Variants in DLGAP2 observed in about 807,000 individuals in gnomAD.
DLGAP2 encodes the protein disks large-associated protein 2.
In DLGAP2, 26 loss-of-function variants were observed where a neutral mutation model predicts 100.3. That is an observed-to-expected ratio of 0.26 (90% CI 0.19 to 0.36). The LOEUF (loss-of-function observed/expected upper bound fraction) is 0.36. DLGAP2 is among the 10% of genes least tolerant of loss of function. DLGAP2 has a pLI of 1.00. For synonymous variants in DLGAP2, 886 were observed against 630.1 expected (o/e 1.41, Z -6.08); for missense variants, 1,858 against 1,453.2 (o/e 1.28, Z -4.53).
chr8:1,317,038 G>C (rs111280314), intron 3 of DLGAP2, among the ~76,000 whole-genome samples: 31 of 97,082 alleles, frequency 3.2e-4, no homozygotes, highest in Middle Eastern at 0.01. Flanking sequence ...AAAATAGAGC[G>C]TGTGCGAGTG....
intron 8 of DLGAP2, among the ~76,000 whole-genome samples, chr8:1,640,149 A>G (rs545400829): frequency 1.1e-4 from 17 of 152,336 alleles, no homozygotes; most frequent in South Asian, 4.1e-4. Context: ...CACTGACCCA[A>G]GGGGAACCCA....
intron 3 of DLGAP2, among the ~76,000 whole-genome samples, chr8:1,442,975 G>T (rs73172547): frequency 1.3e-5 from 2 of 152,334 alleles, no homozygotes; most frequent in East Asian, 3.9e-4. Flanking sequence ...ATTTGCTTAC[G>T]TACTTATGGA....
chr8:1,190,397 C>CGGGGCATCTGCTGTT (rs140079566), intron 2 of DLGAP2, among the ~76,000 whole-genome samples: 2 of 150,914 alleles, frequency 1.3e-5, no homozygotes, highest in African/African-American at 2.4e-5. Flanking sequence ...GAGTCAGGGT[C>CGGGGCATCTGCTGTT]GGGGCATCTG....
At chr8:1,164,587 C>G (rs571527645) in intron 2 of DLGAP2, among the ~76,000 whole-genome samples, 1 of 152,058 alleles carries the variant, frequency 6.6e-6, no homozygotes, top group South Asian at 2.1e-4. Flanking sequence ...TATTCTAAGC[C>G]CAGATGCCAC....
chr8:1,055,588 G>T, intron 2 of DLGAP2, among the ~76,000 whole-genome samples: 1 of 152,124 alleles, frequency 6.6e-6, no homozygotes, highest in South Asian at 2.1e-4. Context: ...AATATCTAAA[G>T]CCAAGGACGC....
At chr8:1,424,476 A>G (rs1005078532) in intron 3 of DLGAP2, among the ~76,000 whole-genome samples, 1 of 152,258 alleles carries the variant, frequency 6.6e-6, no homozygotes, top group Non-Finnish European at 1.5e-5. Context: ...GCCCAATGGA[A>G]TGTTACCCTG....
chr8:1,656,883 A>C (rs1798297548), intron 8 of DLGAP2, among the ~76,000 whole-genome samples: 1 of 152,214 alleles, frequency 6.6e-6, no homozygotes, highest in Admixed American at 6.5e-5. Context: ...TCTCAGAGTG[A>C]CACCAACTTA....
chr8:918,292 T>G (rs184784794), intron 2 of DLGAP2, among the ~76,000 whole-genome samples: 1 of 152,344 alleles, frequency 6.6e-6, no homozygotes, highest in Admixed American at 6.5e-5. Context: ...GCCTCTGTTA[T>G]TTGGTTTCAG....
At chr8:1,181,376 C>G (rs964259402) in intron 2 of DLGAP2, among the ~76,000 whole-genome samples, 1 of 152,222 alleles carries the variant, frequency 6.6e-6, no homozygotes, top group South Asian at 2.1e-4. Context: ...TTTTCTGTCC[C>G]TGTGTTAGAT....
chr8:1,622,719 A>G (rs1797377872), intron 6 of DLGAP2, among the ~76,000 whole-genome samples: 2 of 152,228 alleles, frequency 1.3e-5, no homozygotes, highest in African/African-American at 4.8e-5. Context: ...ACTTTTCACT[A>G]TTTAAAAAAA....
intron 12 of DLGAP2, 69 bp from the exon 13 acceptor site, chr8:1,691,466 T>C: frequency 1.5e-6 from 2 of 1,350,652 alleles, no homozygotes; most frequent in East Asian, 4.7e-5. Flanking sequence ...GGTGTGATGT[T>C]TCTGCTTTTG....
At chr8:1,411,906 C>G (rs189810353) in intron 3 of DLGAP2, among the ~76,000 whole-genome samples, 2 of 152,122 alleles carry the variant, frequency 1.3e-5, no homozygotes, top group Non-Finnish European at 2.9e-5. Flanking sequence ...AAGTGGGACA[C>G]AGAGTGTGGG....
rs1800214123 is a variant in DLGAP2, at chr8:1,297,543, ACGTGG to A, written c.106+38662_106+38666del. On this transcript the variant is annotated intron_variant, in intron 3 of 14. Transcript: ENST00000637795. Reference sequence around the variant, plus strand: ...ACACCACGTGAGACAGGGAGGAGAAACGTGGCAGGCATGAACAGACACCACGTGAG... The same window carrying A: ...ACACCACGTGAGACAGGGAGGAGAAACAGGCATGAACAGACACCACGTGAG... 4.3e-3 allele frequency among the ~76,000 whole-genome samples: 573 copies of A among 132,440 alleles called. 27 individuals carry two copies. The highest frequency in any genetic ancestry group is 0.015 in the African/African-American group (534 of 35,104). The allele number at this position is 132,440 out of a possible 152,430, so 86.9% of individuals were successfully genotyped here.
At chr8:1,222,617 A>G (rs1360581246) in intron 2 of DLGAP2, among the ~76,000 whole-genome samples, 1 of 150,754 alleles carries the variant, frequency 6.6e-6, no homozygotes, top group Non-Finnish European at 1.5e-5. Flanking sequence ...CTGGCGGGGG[A>G]AGGCTGCAGG....
In DLGAP2 at chr8:1,408,400, G is replaced by T. The variant is rs77570653; in HGVS notation, c.107-92966G>T. Among the ~76,000 whole-genome samples the T allele has an allele frequency of 3.3e-3, 497 of 151,934 alleles. 2 individuals carry two copies. The highest frequency in any genetic ancestry group is 5.3e-3 in the Non-Finnish European group (362 of 67,956). On this transcript the variant is annotated intron_variant, in intron 3 of 14. Transcript: ENST00000637795. ...AGTTCCAGGCCCCAGCTCCAAGTTC[G>T]CCACAACCTGTTAGTTCACCTGGGG...
intron 3 of DLGAP2, among the ~76,000 whole-genome samples, chr8:1,492,445 G>A (rs1423380832): frequency 6.6e-6 from 1 of 152,234 alleles, no homozygotes; most frequent in Non-Finnish European, 1.5e-5. Context: ...AATGGGGCAA[G>A]CTCAGATGGC....
intron 2 of DLGAP2, among the ~76,000 whole-genome samples, chr8:1,003,860 G>T (rs1216413957): frequency 6.6e-6 from 1 of 152,192 alleles, no homozygotes; most frequent in Non-Finnish European, 1.5e-5. Flanking sequence ...TCTATCAAGA[G>T]ATGATACCAC....
chr8:1,369,151 C>T (rs1207842817), intron 3 of DLGAP2: 2 of 152,166 alleles, frequency 1.3e-5, no homozygotes, highest in Admixed American at 6.5e-5. Context: ...AAATAATGGA[C>T]AGCTTTTGAT....
chr8:1,544,830 T>G (rs868223079), intron 4 of DLGAP2, among the ~76,000 whole-genome samples: 1 of 151,948 alleles, frequency 6.6e-6, no homozygotes, highest in African/African-American at 2.4e-5. Context: ...CCTCCCGGGT[T>G]CAAGCGATTC....
Sources: allele counts gnomAD v4.1 joint callset (sites outside exome capture counted in the v4.1 genomes callset), GRCh38; gene constraint gnomAD v4.1.1; transcripts MANE v1.5; gene names NCBI Gene and HGNC (gene_info 2026-07-23, HGNC 2026-07-21).